FAS: variants seen among roughly 807,000 people sequenced by gnomAD.
The protein encoded by FAS is tumor necrosis factor receptor superfamily member 6.
FAS carries 5 observed loss-of-function variants against 33.2 expected under a neutral mutation model. That is an observed-to-expected ratio of 0.15 (90% CI 0.08 to 0.32). FAS has a LOEUF of 0.32. Ranked by LOEUF, FAS falls within the 10% of genes least tolerant of loss-of-function variation. The pLI is 1.00. For synonymous variants in FAS, 131 were observed against 130.7 expected, an observed-to-expected ratio of 1.00 and a Z score of -0.01; for missense variants, 339 against 386.0, an observed-to-expected ratio of 0.88 and a Z score of 1.02.
At chr10:88,981,201 T>C (rs890080890) in intron 2 of FAS, among the ~76,000 whole-genome samples, 2 of 152,214 alleles carry the variant, frequency 1.3e-5, no homozygotes, top group African/African-American at 4.8e-5. Context: ...ATACTCGCTG[T>C]GTGCAAATTA....
chr10:89,011,976 A>G, intron 6 of FAS, 23 bp from the exon 7 acceptor site: 1 of 1,605,558 alleles, frequency 6.2e-7, no homozygotes, highest in Non-Finnish European at 8.5e-7. Context: ...ACCTGAGTTG[A>G]TAAAATTTCT....
intron 1 of FAS, chr10:88,991,339 C>A: frequency 3.1e-6 from 1 of 322,830 alleles, no homozygotes; most frequent in South Asian, 3.2e-5. Flanking sequence ...AGCCAAAGGT[C>A]CGCTCCGGCG....
At chr10:88,998,027 G>A (rs1459571990) in intron 1 of FAS, among the ~76,000 whole-genome samples, 4 of 152,186 alleles carry the variant, frequency 2.6e-5, no homozygotes, top group African/African-American at 9.7e-5. Flanking sequence ...AAGTTTATAT[G>A]TAACACTAAT....
chr10:88,978,026 T>G (rs1460511399), intron 2 of FAS, among the ~76,000 whole-genome samples: 1 of 41,742 alleles, frequency 2.4e-5, no homozygotes, highest in East Asian at 5.0e-4. Flanking sequence ...TAGACTGGAT[T>G]AAGAAAATGT....
Position 89,016,540 on chromosome 10 carries a change from AGTGGAGAAGTCTTTGTACTT to A in FAS, c.*2092_*2111del. 1 of 227,006 alleles carries A rather than the reference AGTGGAGAAGTCTTTGTACTT, an allele frequency of 4.4e-6. No homozygotes were observed. The highest frequency in any genetic ancestry group is 6.3e-5 in the East Asian group (1 of 15,854). The allele number at this position is 227,006 out of a possible 1,614,324, so 14.1% of individuals were successfully genotyped here. On this transcript the variant is annotated 3_prime_UTR_variant, in exon 9 of 9. Transcript: ENST00000652046. ...CTTTGAGTTCCTTTGGGAGGAAGAC[AGTGGAGAAGTCTTTGTACTT>A]GGTGATGTGGTTTTTTTCCTCATGG...
At chr10:88,990,585 C>A, upstream of FAS, 1 of 667,026 alleles carries the variant, frequency 1.5e-6, no homozygotes, top group South Asian at 1.5e-5. The surrounding 1 kb of genome is among the most constrained non-coding windows in gnomAD (Gnocchi z 4.9). Context: ...CCAACCCGGG[C>A]GTTCCCCAGC....
chr10:89,013,222 A>G, intron 7 of FAS, 121 bp from the exon 8 acceptor site: 1 of 894,580 alleles, frequency 1.1e-6, no homozygotes. Flanking sequence ...TCCTAATTTT[A>G]TACATCAAGC....
At chr10:88,967,756 T>C (rs946144017) in intron 1 of FAS, among the ~76,000 whole-genome samples, 1 of 152,178 alleles carries the variant, frequency 6.6e-6, no homozygotes, top group African/African-American at 2.4e-5. Flanking sequence ...AATCTGTGAA[T>C]TACATCAGCA....
rs749471370 is a variant in FAS, at chr10:89,012,088, A to G, written c.651+7A>G. The G allele has an allele frequency of 6.2e-7, 1 of 1,605,668 alleles. No individual in the cohort carries two copies. The highest frequency in any genetic ancestry group is 1.7e-5 in the Admixed American group (1 of 59,972). ...ATCTCCAACTTTAAATCCTGTAGGT[A>G]TTGAAATAGGTATCAGCTTTCCTTG... On this transcript the variant is annotated splice_region_variant and intron_variant, in intron 7 of 8. Coordinates refer to ENST00000652046, the MANE Select transcript of FAS (RefSeq NM_000043.6).
rs564893809 is a variant in FAS at position 89,015,104 on chromosome 10, T to C, written c.*654T>C. ...ATTAAATTATAATGTTTGACTATTA[T>C]ATATGTGTATGCATTTTACTGGCTC... On this transcript the variant is annotated 3_prime_UTR_variant, in exon 9 of 9. Coordinates refer to ENST00000652046, the MANE Select transcript of FAS (RefSeq NM_000043.6). The C allele has an allele frequency of 2.2e-5, 12 of 534,808 alleles. No individual in the cohort carries two copies. The Admixed American group carries it at 2.7e-4, about 12-fold the overall frequency. 33.1% of individuals were successfully genotyped at this position (534,808 alleles called of 1,614,324 possible).
intron 1 of FAS, among the ~76,000 whole-genome samples, chr10:88,997,531 A>G (rs1263263557): frequency 6.6e-6 from 1 of 152,186 alleles, no homozygotes. Context: ...TTATGTACAG[A>G]TTTTGAAAAA....
At chr10:89,004,134 C>G (rs775762321) in intron 2 of FAS, among the ~76,000 whole-genome samples, 3 of 152,172 alleles carry the variant, frequency 2.0e-5, no homozygotes, top group Non-Finnish European at 4.4e-5. Flanking sequence ...TAAACACAAT[C>G]AATTTGCTCT....
Position 89,016,401 on chromosome 10 carries a change from T to C in FAS, c.*1951T>C. 1 of 218,882 alleles carries C rather than the reference T, an allele frequency of 4.6e-6. No homozygotes were observed. The highest frequency in any genetic ancestry group is 9.2e-6 in the Non-Finnish European group (1 of 108,982). 13.6% of individuals were successfully genotyped at this position (218,882 alleles called of 1,614,324 possible). On this transcript the variant is annotated 3_prime_UTR_variant, in exon 9 of 9. Coordinates refer to ENST00000652046, the MANE Select transcript of FAS (RefSeq NM_000043.6). ...CCAGTTTTCTATTTCTAGACAGAAG[T>C]AGGGCAAGTTAGGTACTAGTTATTC...
upstream of FAS, among the ~76,000 whole-genome samples, chr10:88,988,426 T>G (rs977855624): frequency 0.017 from 157 of 9,444 alleles, 3 homozygotes; most frequent in African/African-American, 0.14. Context: ...GTTTTTTTTT[T>G]TTTTTGTTTT....
At chr10:88,973,459 C>A in intron 2 of FAS, 1 of 913,822 alleles carries the variant, frequency 1.1e-6, no homozygotes, top group East Asian at 3.0e-5. Context: ...TAAAGAAAAA[C>A]ACGTCATTTC....
chr10:88,973,176 C>T, intron 1 of FAS: 1 of 1,611,654 alleles, frequency 6.2e-7, no homozygotes, highest in Non-Finnish European at 8.5e-7. Flanking sequence ...TCTGTGTGAC[C>T]TATAGATTCA....
chr10:88,993,109 C>A (rs1336631033), intron 1 of FAS, among the ~76,000 whole-genome samples: 1 of 152,188 alleles, frequency 6.6e-6, no homozygotes, highest in Non-Finnish European at 1.5e-5. Flanking sequence ...CATCCTTAAC[C>A]CCTTTTGCTT....
At chr10:89,004,563 A>G (rs1417789709) in intron 2 of FAS, among the ~76,000 whole-genome samples, 1 of 144,868 alleles carries the variant, frequency 6.9e-6, no homozygotes, top group Non-Finnish European at 1.5e-5. Flanking sequence ...ATTAATTTAT[A>G]CGAAAATACC....
intron 2 of FAS, chr10:88,975,135 C>G (rs1846532975): frequency 6.8e-6 from 1 of 147,404 alleles, no homozygotes; most frequent in African/African-American, 2.5e-5. Context: ...AAAGTGAAAC[C>G]AGAATGCTGT....
Sources: allele counts gnomAD v4.1 joint callset (sites outside exome capture counted in the v4.1 genomes callset), GRCh38; gene constraint gnomAD v4.1.1; non-coding constraint Gnocchi (gnomAD v3.1); transcripts MANE v1.5; gene names NCBI Gene and HGNC (gene_info 2026-07-23, HGNC 2026-07-21).